Variants in NKD1 observed in about 807,000 individuals in gnomAD.
NKD1 encodes the protein protein naked cuticle homolog 1.
A neutral mutation model predicts 56.0 loss-of-function variants in NKD1; 21 were observed. The observed-to-expected ratio is 0.38, with a 90% CI of 0.27 to 0.54. The LOEUF is 0.54. NKD1 is among the 20% of genes least tolerant of loss of function. The probability of loss-of-function intolerance (pLI) is 0.82; values close to 1 mark genes in which losing one functional copy is unlikely to be tolerated. For missense variants in NKD1, 578 were observed against 642.7 expected (o/e 0.90, Z 1.09); for synonymous variants, 263 against 265.7 (o/e 0.99, Z 0.10).
chr16:50,591,287 C>G (rs1483505230), intron 3 of NKD1, among the ~76,000 whole-genome samples: 1 of 152,248 alleles, frequency 6.6e-6, no homozygotes, highest in East Asian at 1.9e-4. Flanking sequence ...GCCACTGTGG[C>G]TCCCCTGTGG....
chr16:50,589,660 ATGTTGGAGGCC>A (rs1216051022), intron 3 of NKD1, among the ~76,000 whole-genome samples: 1 of 151,896 alleles, frequency 6.6e-6, no homozygotes, highest in African/African-American at 2.4e-5. Flanking sequence ...CAAATGGATC[ATGTTGGAGGCC>A]TTTGCTGAAT....
chr16:50,606,237 T>G (rs1961706617), intron 3 of NKD1: 1 of 153,218 alleles, frequency 6.5e-6, no homozygotes, highest in African/African-American at 2.4e-5. Flanking sequence ...TTTTGTATTT[T>G]TAGCAGAGAT....
chr16:50,621,593 C>T lies in NKD1; in HGVS notation c.260-9C>T, dbSNP rs1962090300. 1.2e-6 allele frequency: 2 copies of T among 1,609,622 alleles called. No homozygotes were observed. Among genetic ancestry groups the T allele is most frequent in the East Asian group, 2.2e-5 (1 of 44,840 alleles). On this transcript the variant is annotated splice_polypyrimidine_tract_variant and intron_variant, in intron 4 of 9. Coordinates refer to ENST00000268459, the MANE Select transcript of NKD1 (RefSeq NM_033119.5). ...GCTCCTAATGCTCCCTCGCCTGCCTCCCCGACAGTGGCCCTGCCTCCTGAG... is the reference window on the plus strand; with the variant it reads ...GCTCCTAATGCTCCCTCGCCTGCCTTCCCGACAGTGGCCCTGCCTCCTGAG...
intron 4 of NKD1, among the ~76,000 whole-genome samples, chr16:50,617,166 G>T (rs1961980058): frequency 6.6e-6 from 1 of 152,204 alleles, no homozygotes; most frequent in African/African-American, 2.4e-5. Flanking sequence ...ACAGCATGCG[G>T]TCCCCAAGGA....
chr16:50,608,223 C>A, intron 3 of NKD1, 71 bp from the exon 4 acceptor site: 1 of 1,021,236 alleles, frequency 9.8e-7, no homozygotes, highest in Non-Finnish European at 1.6e-6. Flanking sequence ...GTCCTCATGG[C>A]ACTGCTTTTA....
At chr16:50,585,109 G>A (rs1005452295) in intron 3 of NKD1, among the ~76,000 whole-genome samples, 1 of 152,222 alleles carries the variant, frequency 6.6e-6, no homozygotes, top group Non-Finnish European at 1.5e-5. Flanking sequence ...TGTAAAACTT[G>A]TTCTTTCATG....
chr16:50,565,893 G>T (rs907424690), intron 3 of NKD1, among the ~76,000 whole-genome samples: 3 of 152,138 alleles, frequency 2.0e-5, no homozygotes, highest in African/African-American at 7.2e-5. Flanking sequence ...GACCATCATT[G>T]CATTGATTCC....
At chr16:50,577,210 G>C (rs1961011316) in intron 3 of NKD1, among the ~76,000 whole-genome samples, 2 of 152,028 alleles carry the variant, frequency 1.3e-5, no homozygotes, top group Admixed American at 6.6e-5. Flanking sequence ...TGTTGATGGA[G>C]ATAGTAGGAA....
chr16:50,590,123 G>A (rs997951327), intron 3 of NKD1, among the ~76,000 whole-genome samples: 28 of 152,158 alleles, frequency 1.8e-4, no homozygotes, highest in Non-Finnish European at 5.9e-5. Context: ...GGGATTACAG[G>A]AATGAGCCAC....
At chr16:50,572,791 C>A in intron 3 of NKD1, 1 of 694,200 alleles carries the variant, frequency 1.4e-6, no homozygotes, top group Non-Finnish European at 1.8e-6. Flanking sequence ...CCGACAGAGA[C>A]AGATCCAAAG....
rs1962520210 is a variant in NKD1, at chr16:50,638,698, A to G, written c.*4917A>G. The stretch of plus-strand genomic sequence containing the variant: ...CTCTGCTCAGGGGCTCATACCCCCA[A>G]ATGATTTTCCTGATTTATGTATTTC... On this transcript the variant is annotated 3_prime_UTR_variant, in exon 10 of 10. Transcript: ENST00000268459. The G allele has an allele frequency of 2.0e-5, 3 of 152,178 alleles. No homozygotes were observed. Among genetic ancestry groups the G allele is most frequent in the African/African-American group, 2.4e-5 (1 of 41,432 alleles). 9.4% of individuals were successfully genotyped at this position (152,178 alleles called of 1,614,324 possible).
chr16:50,567,963 A>C (rs1229911656), intron 3 of NKD1, among the ~76,000 whole-genome samples: 1 of 152,248 alleles, frequency 6.6e-6, no homozygotes, highest in Non-Finnish European at 1.5e-5. Context: ...AGAGTTACCA[A>C]GTTTTACAGA....
chr16:50,580,904 T>C (rs753632683), intron 3 of NKD1, among the ~76,000 whole-genome samples: 1 of 152,268 alleles, frequency 6.6e-6, no homozygotes, highest in Non-Finnish European at 1.5e-5. Context: ...ATTGGTTTTC[T>C]ATAGAACTAT....
intron 3 of NKD1, among the ~76,000 whole-genome samples, chr16:50,579,029 G>T (rs927290749): frequency 1.6e-4 from 25 of 152,162 alleles, no homozygotes; most frequent in Non-Finnish European, 2.1e-4. Context: ...CCCACAGGCT[G>T]CCCACTATAC....
chr16:50,606,716 C>T (rs1405683625), intron 3 of NKD1: 2 of 439,860 alleles, frequency 4.5e-6, no homozygotes, highest in Admixed American at 2.4e-5. Context: ...GCAGTGCAGT[C>T]AGGGTGGCAG....
rs373256401 is a variant in NKD1, at chr16:50,616,153, A to C, written c.260-5449A>C. On this transcript the variant is annotated intron_variant, in intron 4 of 9. Coordinates refer to ENST00000268459, the MANE Select transcript of NKD1 (RefSeq NM_033119.5). ...GTGGACGATTGAGAAAGGACTGTGGATATGTCAGGGCGAGCATCCAGACTC... is the reference window on the plus strand; with the variant it reads ...GTGGACGATTGAGAAAGGACTGTGGCTATGTCAGGGCGAGCATCCAGACTC... 9.0e-6 allele frequency: 4 copies of C among 442,382 alleles called. No individual in the cohort carries two copies. In the Middle Eastern group the frequency reaches 9.9e-4, roughly 109 times the overall value. 27.4% of individuals were successfully genotyped at this position (442,382 alleles called of 1,614,324 possible).
chr16:50,552,863 A>G (rs1960419735), intron 3 of NKD1, among the ~76,000 whole-genome samples: 3 of 152,328 alleles, frequency 2.0e-5, no homozygotes, highest in South Asian at 4.1e-4. Context: ...CCCCACTGTC[A>G]TGGCAGGCTC....
chr16:50,561,746 T>G (rs1960639207), intron 3 of NKD1, among the ~76,000 whole-genome samples: 1 of 152,180 alleles, frequency 6.6e-6, no homozygotes, highest in African/African-American at 2.4e-5. Context: ...ACACATTCTC[T>G]TCATTAAAGC....
At chr16:50,573,869 C>T (rs1357723148) in intron 3 of NKD1, 5 of 985,162 alleles carry the variant, frequency 5.1e-6, no homozygotes, top group Non-Finnish European at 6.0e-6. Context: ...GGAGCAGGGG[C>T]GGGGGTGAGG....
Sources: allele counts gnomAD v4.1 joint callset (sites outside exome capture counted in the v4.1 genomes callset), GRCh38; gene constraint gnomAD v4.1.1; transcripts MANE v1.5; gene names NCBI Gene and HGNC (gene_info 2026-07-23, HGNC 2026-07-21).